CCDC178: variants seen among roughly 807,000 people sequenced by gnomAD.
The protein encoded by CCDC178 is coiled-coil domain containing 178, also known as coiled-coil domain-containing protein 178.
CCDC178 carries 126 observed loss-of-function variants against 117.4 expected under a neutral mutation model. The ratio of observed to expected loss-of-function variants is 1.07; its 90% CI spans 0.93 to 1.24. The LOEUF (loss-of-function observed/expected upper bound fraction) is 1.24, where lower values mean the gene tolerates loss of function less well. CCDC178 is among the 50% of genes most tolerant of loss of function. The probability of loss-of-function intolerance (pLI) is 0.00; values close to 1 mark genes in which losing one functional copy is unlikely to be tolerated. For missense variants in CCDC178, 1,030 were observed against 986.9 expected (o/e 1.04, Z -0.59); for synonymous variants, 283 against 313.4 (o/e 0.90, Z 1.02).
intron 20 of CCDC178, among the ~76,000 whole-genome samples, chr18:33,147,356 A>ATTT (rs575608507): frequency 1.3e-4 from 12 of 94,600 alleles, no homozygotes; most frequent in Admixed American, 2.1e-4. Context: ...TGCCTTTTTA[A>ATTT]TTTTTTTTTT....
At chr18:33,296,743 T>C (rs1187281337) in intron 11 of CCDC178, among the ~76,000 whole-genome samples, 1 of 152,132 alleles carries the variant, frequency 6.6e-6, no homozygotes, top group African/African-American at 2.4e-5. Context: ...GAATCATATT[T>C]TGGGCCAGGC....
chr18:32,949,757 TCC>T (rs2054439051), intron 22 of CCDC178, among the ~76,000 whole-genome samples: 1 of 152,198 alleles, frequency 6.6e-6, no homozygotes, highest in East Asian at 1.9e-4. Context: ...TTTTTTGCAT[TCC>T]TGGATTTGAT....
intron 21 of CCDC178, among the ~76,000 whole-genome samples, chr18:32,993,769 AC>A (rs924948211): frequency 6.6e-6 from 1 of 152,164 alleles, no homozygotes; most frequent in African/African-American, 2.4e-5. Flanking sequence ...TGTCCCCTGC[AC>A]CTGATTCAGG....
intron 12 of CCDC178, among the ~76,000 whole-genome samples, chr18:33,277,030 AT>A (rs2059959312): frequency 6.6e-6 from 1 of 152,102 alleles, no homozygotes; most frequent in Admixed American, 6.6e-5. Flanking sequence ...ACTAGTAGCA[AT>A]CCCATTAAGA....
At chr18:33,403,672 G>C (rs1371895886) in intron 3 of CCDC178, among the ~76,000 whole-genome samples, 3 of 152,198 alleles carry the variant, frequency 2.0e-5, no homozygotes, top group Non-Finnish European at 4.4e-5. Context: ...AGGTCCATCA[G>C]TGAATTAAGG....
chr18:33,419,333 A>G (rs2063991206), intron 2 of CCDC178, among the ~76,000 whole-genome samples: 1 of 152,222 alleles, frequency 6.6e-6, no homozygotes, highest in Admixed American at 6.5e-5. Context: ...GAAAGCTATA[A>G]AAACCCTGGA....
intron 20 of CCDC178, among the ~76,000 whole-genome samples, chr18:33,202,997 T>C (rs755894601): frequency 6.6e-6 from 1 of 152,194 alleles, no homozygotes; most frequent in Non-Finnish European, 1.5e-5. Flanking sequence ...TATATTCTTT[T>C]AGGAGGTTTT....
chr18:33,317,161 C>G (rs2062431191), intron 11 of CCDC178, among the ~76,000 whole-genome samples: 1 of 152,252 alleles, frequency 6.6e-6, no homozygotes, highest in South Asian at 2.1e-4. Flanking sequence ...ACAAATCTTG[C>G]TACTGCTCAC....
At chr18:33,202,612 T>A (rs938646248) in intron 20 of CCDC178, among the ~76,000 whole-genome samples, 2 of 152,110 alleles carry the variant, frequency 1.3e-5, no homozygotes, top group Non-Finnish European at 2.9e-5. Context: ...GCATTCCTAT[T>A]CCATCAGTGC....
intron 20 of CCDC178, among the ~76,000 whole-genome samples, chr18:33,166,750 T>G (rs890897630): frequency 5.3e-5 from 8 of 152,180 alleles, no homozygotes; most frequent in African/African-American, 1.9e-4. Flanking sequence ...TGTAGCTGAC[T>G]TTTACGTAAA....
At chr18:33,245,471 G>A in intron 14 of CCDC178, 43 bp from the exon 15 acceptor site, 1 of 1,329,448 alleles carries the variant, frequency 7.5e-7, no homozygotes, top group East Asian at 2.8e-5. Context: ...AGTATATAGT[G>A]AGACAAACAT....
rs1266961639 is a variant in CCDC178, at chr18:33,118,986, T to G, written c.2239-26076A>C. ...ATGCTGGGAAAACTGGCTAGCCATA[T>G]GTAGAAAGCTGAAACTGGATCCCTT... On this transcript the variant is annotated intron_variant, in intron 20 of 22. Transcript: ENST00000383096. 2.6e-5 allele frequency among the ~76,000 whole-genome samples: 4 copies of G among 152,186 alleles called. No individual in the cohort carries two copies. The South Asian group carries it at 6.2e-4, about 24-fold the overall frequency.
At chr18:33,271,051 T>C (rs1568104700) in intron 12 of CCDC178, among the ~76,000 whole-genome samples, 1 of 151,646 alleles carries the variant, frequency 6.6e-6, no homozygotes, top group East Asian at 1.9e-4. Flanking sequence ...TAATTTTTTT[T>C]GTAAATTACA....
At chr18:32,979,592 A>G (rs2055104816) in intron 21 of CCDC178, among the ~76,000 whole-genome samples, 2 of 152,220 alleles carry the variant, frequency 1.3e-5, no homozygotes, top group Non-Finnish European at 2.9e-5. Flanking sequence ...AAGTTACAAA[A>G]TATTTTGAAG....
rs570993191 is a variant in CCDC178, at chr18:33,086,427, C to T, written c.2388+6334G>A. On this transcript the variant is annotated intron_variant, in intron 21 of 22. Transcript: ENST00000383096. ...ATATATACATATATAAATATATATA[C>T]ACACACACACACACACACATATATA... Among the ~76,000 whole-genome samples, 55 of 147,346 alleles carry T rather than the reference C, an allele frequency of 3.7e-4. 1 individual carries two copies. Among genetic ancestry groups the T allele is most frequent in the South Asian group, 1.3e-3 (6 of 4,672 alleles).
chr18:33,425,541 C>T (rs1018286649), intron 2 of CCDC178, among the ~76,000 whole-genome samples: 2 of 152,158 alleles, frequency 1.3e-5, no homozygotes, highest in African/African-American at 4.8e-5. Flanking sequence ...AAGCTTCAGC[C>T]ACCAAAGAGA....
At position 33,108,794 on chromosome 18, in the gene CCDC178, A is replaced by T. The variant is rs28469235; in HGVS notation, c.2239-15884T>A. On this transcript the variant is annotated intron_variant, in intron 20 of 22. Transcript: ENST00000383096. ...TAGCAAACTATATAAACGGTTTTTT[A>T]AAAAAAGTGTGTACTTTGATAACTT... is the stretch of plus-strand genomic sequence containing the variant. 3.1e-3 allele frequency among the ~76,000 whole-genome samples: 465 copies of T among 151,764 alleles called. 3 individuals carry two copies. Among genetic ancestry groups the T allele is most frequent in the African/African-American group, 1.0e-2 (414 of 41,490 alleles).
chr18:33,396,457 G>T (rs1186198808), intron 4 of CCDC178, among the ~76,000 whole-genome samples: 4 of 152,074 alleles, frequency 2.6e-5, no homozygotes, highest in Non-Finnish European at 5.9e-5. Flanking sequence ...GTATGCCTTA[G>T]AGAAACTCAC....
At chr18:33,118,219 A>T (rs1480255774) in intron 20 of CCDC178, among the ~76,000 whole-genome samples, 1 of 152,056 alleles carries the variant, frequency 6.6e-6, no homozygotes, top group Non-Finnish European at 1.5e-5. Flanking sequence ...CAGTTATGAT[A>T]ACAACTAGGT....
Sources: allele counts gnomAD v4.1 joint callset (sites outside exome capture counted in the v4.1 genomes callset), GRCh38; gene constraint gnomAD v4.1.1; transcripts MANE v1.5; gene names NCBI Gene and HGNC (gene_info 2026-07-23, HGNC 2026-07-21).